Variants in TTC27 observed in about 807,000 individuals in gnomAD.
TTC27 encodes tetratricopeptide repeat protein 27.
Under a neutral mutation model 115.9 loss-of-function variants are expected in TTC27, and 79 were observed. The ratio of observed to expected loss-of-function variants is 0.68; its 90% CI spans 0.57 to 0.82. TTC27 has a LOEUF of 0.82. TTC27 is among the 40% of genes least tolerant of loss of function. The pLI, the probability that TTC27 is intolerant of heterozygous loss-of-function variation, is 0.00. For missense variants in TTC27, 1,054 were observed against 993.1 expected (o/e 1.06, Z -0.82); for synonymous variants, 401 against 356.0 (o/e 1.13, Z -1.42).
chr2:32,716,454 C>G (rs1431799778), intron 10 of TTC27, among the ~76,000 whole-genome samples: 1 of 151,922 alleles, frequency 6.6e-6, no homozygotes, highest in Non-Finnish European at 1.5e-5. Context: ...TTAGCTATTT[C>G]TTTTTTAGTT....
At chr2:32,713,802 G>A (rs960146190) in intron 10 of TTC27, among the ~76,000 whole-genome samples, 1 of 152,128 alleles carries the variant, frequency 6.6e-6, no homozygotes, top group African/African-American at 2.4e-5. Context: ...AGGGGTACAT[G>A]TGCAAGTTGT....
chr2:32,661,854 G>A (rs111444414), intron 5 of TTC27, among the ~76,000 whole-genome samples: 75,276 of 152,004 alleles, frequency 0.5, 19,074 homozygotes, highest in East Asian at 0.62. Flanking sequence ...CCAGTGTTCA[G>A]AGGAAATGCT....
chr2:32,708,149 C>T (rs543057254), intron 10 of TTC27, among the ~76,000 whole-genome samples: 42 of 152,104 alleles, frequency 2.8e-4, no homozygotes, highest in African/African-American at 1.0e-3. Context: ...ATCCATGAGA[C>T]AGCAAGACCA....
chr2:32,686,227 GTA>G (rs1305803343), intron 9 of TTC27, among the ~76,000 whole-genome samples: 2 of 152,172 alleles, frequency 1.3e-5, no homozygotes, highest in African/African-American at 2.4e-5. Flanking sequence ...GGAAGGCTCA[GTA>G]TGTTGAATTC....
chr2:32,628,245 G>T lies in TTC27; in HGVS notation c.-48G>T, dbSNP rs2063524752. Reference sequence around the variant, plus strand: ...TTTTCACTTTCTTTTGTTGACTCCCGTGTGGCCCTCGTGGGAGCCTGTTTT... The same window carrying T: ...TTTTCACTTTCTTTTGTTGACTCCCTTGTGGCCCTCGTGGGAGCCTGTTTT... On this transcript the variant is annotated 5_prime_UTR_variant, in exon 1 of 20. Transcript: ENST00000317907. The T allele has an allele frequency of 2.6e-6, 4 of 1,556,214 alleles. No individual in the cohort carries two copies. Among genetic ancestry groups the T allele is most frequent in the Non-Finnish European group, 2.6e-6 (3 of 1,142,532 alleles).
intron 10 of TTC27, among the ~76,000 whole-genome samples, chr2:32,706,627 C>T (rs1667378759): frequency 6.6e-6 from 1 of 151,504 alleles, no homozygotes; most frequent in Admixed American, 6.6e-5. Flanking sequence ...TGCAGTGGTG[C>T]AATCTTGGCT....
At chr2:32,700,699 G>A (rs1462792511) in intron 9 of TTC27, among the ~76,000 whole-genome samples, 1 of 151,976 alleles carries the variant, frequency 6.6e-6, no homozygotes, top group African/African-American at 2.4e-5. Context: ...CATCATGCCC[G>A]GCTAATTTTT....
At chr2:32,697,626 A>C (rs1225733211) in intron 9 of TTC27, among the ~76,000 whole-genome samples, 1 of 152,232 alleles carries the variant, frequency 6.6e-6, no homozygotes, top group Non-Finnish European at 1.5e-5. Flanking sequence ...TGGTTGGTCA[A>C]CTTTTAGTCT....
At chr2:32,631,825 T>C (rs1257651030) in intron 2 of TTC27, among the ~76,000 whole-genome samples, 3 of 151,786 alleles carry the variant, frequency 2.0e-5, no homozygotes, top group Non-Finnish European at 4.4e-5. Context: ...TTTCTTTTTT[T>C]TTTTTGATGG....
chr2:32,676,713 A>G (rs1572505464), intron 8 of TTC27, among the ~76,000 whole-genome samples: 1 of 150,234 alleles, frequency 6.7e-6, no homozygotes, highest in South Asian at 2.1e-4. Flanking sequence ...CTGGTCTTGA[A>G]CTCCTAACCT....
intron 5 of TTC27, 69 bp from the exon 6 acceptor site, chr2:32,664,234 C>G (rs1306436646): frequency 1.0e-5 from 14 of 1,361,996 alleles, no homozygotes; most frequent in Non-Finnish European, 1.4e-5. Flanking sequence ...GTATTATAGA[C>G]TCTATTTTAC....
At chr2:32,817,865 G>T (rs545088486) in intron 19 of TTC27, among the ~76,000 whole-genome samples, 2 of 152,254 alleles carry the variant, frequency 1.3e-5, no homozygotes, top group East Asian at 3.9e-4. Flanking sequence ...AGACCAGCCT[G>T]GCCAACATGG....
At chr2:32,750,870 G>A (rs13420042) in intron 12 of TTC27, among the ~76,000 whole-genome samples, 1 of 152,180 alleles carries the variant, frequency 6.6e-6, no homozygotes, top group Non-Finnish European at 1.5e-5. Flanking sequence ...TTGGTTTTCA[G>A]TTGACATTGG....
chr2:32,737,453 CTTAAG>C (rs1668485030), intron 12 of TTC27, among the ~76,000 whole-genome samples: 1 of 152,074 alleles, frequency 6.6e-6, no homozygotes, highest in Non-Finnish European at 1.5e-5. Flanking sequence ...ATTTAAAAGA[CTTAAG>C]TTGAGTACAT....
chr2:32,724,144 C>G (rs1158713694), intron 10 of TTC27, among the ~76,000 whole-genome samples: 3 of 151,864 alleles, frequency 2.0e-5, no homozygotes, highest in African/African-American at 7.3e-5. Context: ...TAAGCAGGGT[C>G]CCCTGGAGAA....
At chr2:32,775,493 C>T (rs557229468) in intron 13 of TTC27, among the ~76,000 whole-genome samples, 8 of 152,224 alleles carry the variant, frequency 5.3e-5, no homozygotes, top group African/African-American at 1.2e-4. Flanking sequence ...CCACTTTGCC[C>T]GGCCACACAT....
chr2:32,705,638 C>T lies in TTC27; in HGVS notation c.1233+2718C>T, dbSNP rs1040920073. 2.6e-5 allele frequency among the ~76,000 whole-genome samples: 4 copies of T among 152,244 alleles called. No homozygotes were observed. In the East Asian group the frequency reaches 5.8e-4, roughly 22 times the overall value. On this transcript the variant is annotated intron_variant, in intron 10 of 19. Coordinates refer to ENST00000317907, the MANE Select transcript of TTC27 (RefSeq NM_017735.5). ...TGATCATTGCTCTCTGCAGCCTTTG[C>T]CTCCTGTGCTCCAGTATTCCTCCTG...
In TTC27 at chr2:32,670,131, G is replaced by C. The variant is rs564313165; in HGVS notation, c.940-2141G>C. 1.7e-3 allele frequency among the ~76,000 whole-genome samples: 256 copies of C among 151,920 alleles called. 1 individual carries two copies. Among genetic ancestry groups the C allele is most frequent in the African/African-American group, 5.9e-3 (243 of 41,454 alleles). ...GACGTCGGGTGATCCGCCCGCCTCA[G>C]CCTCTCAAAGTGCTGGGATTACAGG... On this transcript the variant is annotated intron_variant, in intron 7 of 19. Transcript: ENST00000317907.
chr2:32,765,090 A>G (rs1669579206), intron 13 of TTC27, among the ~76,000 whole-genome samples: 1 of 152,208 alleles, frequency 6.6e-6, no homozygotes, highest in Admixed American at 6.5e-5. Flanking sequence ...ATTGGTGAAC[A>G]TTAGAATGGT....
Sources: allele counts gnomAD v4.1 joint callset (sites outside exome capture counted in the v4.1 genomes callset), GRCh38; gene constraint gnomAD v4.1.1; transcripts MANE v1.5; gene names NCBI Gene and HGNC (gene_info 2026-07-23, HGNC 2026-07-21).